INPP4B: variants seen among roughly 807,000 people sequenced by gnomAD.
The protein encoded by INPP4B is inositol polyphosphate 4-phosphatase type II.
INPP4B carries 55 observed loss-of-function variants against 122.5 expected under a neutral mutation model. The observed-to-expected ratio is 0.45, with a 90% confidence interval of 0.36 to 0.56. The LOEUF is 0.56. Among genes scored for constraint, INPP4B ranks in the 20% least tolerant of loss-of-function variants. The pLI is 0.00. For synonymous variants in INPP4B, 403 were observed against 388.7 expected (o/e 1.04, Z -0.43); for missense variants, 1,000 against 1,097.7 (o/e 0.91, Z 1.26).
intron 7 of INPP4B, among the ~76,000 whole-genome samples, chr4:142,395,291 T>C (rs990032681): frequency 3.3e-5 from 5 of 152,232 alleles, no homozygotes; most frequent in Admixed American, 3.3e-4. Context: ...GTATGGATAG[T>C]AGCATCAATG....
chr4:142,428,039 CTTTAATA>C, intron 5 of INPP4B, among the ~76,000 whole-genome samples: 1 of 151,474 alleles, frequency 6.6e-6, no homozygotes, highest in African/African-American at 2.4e-5. Flanking sequence ...ATTTAAAAAT[CTTTAATA>C]TTTAATTTAT....
chr4:142,339,181 G>A lies in INPP4B; in HGVS notation c.373-24419C>T, dbSNP rs546261999. On this transcript the variant is annotated intron_variant, in intron 7 of 25. Coordinates refer to ENST00000262992, the MANE Select transcript of INPP4B (RefSeq NM_001101669.3). Reference sequence around the variant, plus strand: ...TCTACCAATATTAAACCAGGTTACTGCACTATTCTTTGTGGTTCTACTTTG... The same window carrying A: ...TCTACCAATATTAAACCAGGTTACTACACTATTCTTTGTGGTTCTACTTTG... Among the ~76,000 whole-genome samples the A allele has an allele frequency of 9.9e-5, 15 of 152,220 alleles. No homozygotes were observed. The East Asian group carries it at 2.3e-3, about 24-fold the overall frequency.
chr4:142,201,696 T>C (rs1840694457), intron 14 of INPP4B, among the ~76,000 whole-genome samples: 1 of 151,460 alleles, frequency 6.6e-6, no homozygotes, highest in South Asian at 2.1e-4. Context: ...GAGAAAAAAA[T>C]GTACAAGAAA....
At chr4:142,400,187 G>A (rs952206551) in intron 7 of INPP4B, among the ~76,000 whole-genome samples, 3 of 152,048 alleles carry the variant, frequency 2.0e-5, no homozygotes, top group Admixed American at 6.6e-5. Context: ...TTATTTCACC[G>A]GTTATCTCCA....
chr4:142,114,007 G>A (rs1249487505), intron 21 of INPP4B, among the ~76,000 whole-genome samples: 1 of 151,832 alleles, frequency 6.6e-6, no homozygotes, highest in Non-Finnish European at 1.5e-5. Context: ...TTTTCTCTCT[G>A]TTTCCTATGA....
At chr4:142,697,109 A>C (rs1307399592) in intron 2 of INPP4B, among the ~76,000 whole-genome samples, 2 of 152,200 alleles carry the variant, frequency 1.3e-5, no homozygotes, top group African/African-American at 4.8e-5. Flanking sequence ...TGTTGATGTC[A>C]ATCATAAGCA....
chr4:142,760,559 T>C (rs1771180900), intron 1 of INPP4B, among the ~76,000 whole-genome samples: 1 of 152,068 alleles, frequency 6.6e-6, no homozygotes, highest in African/African-American at 2.4e-5. Flanking sequence ...TATAGAGCAA[T>C]CAATTATGCT....
chr4:142,138,346 T>C (rs1805778890), intron 18 of INPP4B, among the ~76,000 whole-genome samples: 1 of 126,158 alleles, frequency 7.9e-6, no homozygotes, highest in African/African-American at 3.1e-5. Flanking sequence ...TGAGAACACA[T>C]GGACACAGGA....
chr4:142,528,371 A>G (rs76583788), intron 2 of INPP4B, among the ~76,000 whole-genome samples: 8,717 of 152,114 alleles, frequency 0.057, 289 homozygotes, highest in African/African-American at 0.074. Context: ...CACACTTCCA[A>G]TCTACTCATG....
chr4:142,602,164 G>A (rs571123670), intron 2 of INPP4B, among the ~76,000 whole-genome samples: 20 of 151,796 alleles, frequency 1.3e-4, no homozygotes, highest in Admixed American at 4.6e-4. Flanking sequence ...TGCAGAAATC[G>A]CTAGCATTCC....
intron 2 of INPP4B, among the ~76,000 whole-genome samples, chr4:142,717,804 G>A (rs1763983159): frequency 6.6e-6 from 1 of 151,624 alleles, no homozygotes; most frequent in African/African-American, 2.4e-5. Context: ...ACGAGTTAAT[G>A]GGTGCAGCAC....
In INPP4B at chr4:142,193,157, C is replaced by A. The variant is rs2149358843; in HGVS notation, c.1111G>T (p.Ala371Ser). 1 of 1,612,758 alleles carries A rather than the reference C, an allele frequency of 6.2e-7. No homozygotes were observed. Among genetic ancestry groups the A allele is most frequent in the Non-Finnish European group, 8.5e-7 (1 of 1,178,842 alleles). Reference protein sequence around the residue: ...YDVITVGAPAAHFQGFKNGGL... With the variant: ...YDVITVGAPASHFQGFKNGGL... ...CCATTCTTAAATCCCTGAAAATGGG[C>A]AGCTGGGGCTCCCACAGTGATGACA... The change falls in exon 15 of 26, where the codon GCC becomes TCC. Residue 371 changes from alanine to serine, a missense_variant. Coordinates refer to ENST00000262992, the MANE Select transcript of INPP4B (RefSeq NM_001101669.3).
chr4:142,436,814 A>G (rs1810632064), intron 3 of INPP4B, among the ~76,000 whole-genome samples: 1 of 151,776 alleles, frequency 6.6e-6, no homozygotes, highest in Admixed American at 6.6e-5. Context: ...ATCAATAAAA[A>G]AAAAAAAAGA....
intron 2 of INPP4B, among the ~76,000 whole-genome samples, chr4:142,487,067 T>G (rs1821291693): frequency 6.6e-6 from 1 of 152,170 alleles, no homozygotes; most frequent in Non-Finnish European, 1.5e-5. Context: ...GGGTGGGTCT[T>G]TCCTGTGATA....
intron 25 of INPP4B, among the ~76,000 whole-genome samples, chr4:142,030,523 C>A (rs921569985): frequency 6.6e-6 from 1 of 152,090 alleles, no homozygotes; most frequent in African/African-American, 2.4e-5. Context: ...TCCTTTAGCT[C>A]TTTGTGCAAG....
intron 12 of INPP4B, among the ~76,000 whole-genome samples, chr4:142,224,958 G>C (rs1419665823): frequency 6.6e-6 from 1 of 152,082 alleles, no homozygotes; most frequent in African/African-American, 2.4e-5. Flanking sequence ...TAAAGTGACG[G>C]TTAACATTAA....
At chr4:142,172,985 C>T (rs1344833280) in intron 16 of INPP4B, among the ~76,000 whole-genome samples, 1 of 151,902 alleles carries the variant, frequency 6.6e-6, no homozygotes, top group Non-Finnish European at 1.5e-5. Flanking sequence ...CACAGCGAGC[C>T]GCCCTCGTTA....
chr4:142,124,814 A>G, intron 18 of INPP4B, 54 bp from the exon 19 acceptor site: 1 of 1,307,802 alleles, frequency 7.6e-7, no homozygotes, highest in African/African-American at 1.5e-5. Context: ...GTCTTGGAAT[A>G]TAATGCAGAA....
chr4:142,479,205 A>G (rs1002060489), intron 2 of INPP4B, among the ~76,000 whole-genome samples: 1 of 152,186 alleles, frequency 6.6e-6, no homozygotes, highest in African/African-American at 2.4e-5. Context: ...CAACAAACAT[A>G]TGAAAAAAAT....
Sources: gnomAD v4.1 joint callset for allele counts (sites outside exome capture counted in the v4.1 genomes callset) on GRCh38, gnomAD v4.1.1 for gene constraint, MANE v1.5 for transcripts, NCBI Gene and HGNC (gene_info 2026-07-23, HGNC 2026-07-21) for gene names.